Variants in HTRA1 observed in about 807,000 individuals in gnomAD.
HTRA1 encodes the protein serine protease HTRA1.
A neutral mutation model predicts 49.7 loss-of-function variants in HTRA1; 26 were observed. That is an observed-to-expected ratio of 0.52 (90% confidence interval 0.38 to 0.73). The LOEUF (loss-of-function observed/expected upper bound fraction) is 0.73. Among genes scored for constraint, HTRA1 ranks in the 30% least tolerant of loss-of-function variants. HTRA1 has a pLI of 0.00. For synonymous variants in HTRA1, 291 were observed against 286.9 expected (o/e 1.01, Z -0.14); for missense variants, 561 against 667.2 (o/e 0.84, Z 1.75).
intron 3 of HTRA1, among the ~76,000 whole-genome samples, chr10:122,500,234 C>T (rs2247430): frequency 0.82 from 125,495 of 152,130 alleles, 52,236 homozygotes; most frequent in Non-Finnish European, 0.89. Context: ...ATTCTAGGAA[C>T]GCCCCCTCCT....
rs372326010 is a variant in HTRA1 at position 122,512,926 on chromosome 10, C to T, written c.1274+861C>T. On this transcript the variant is annotated intron_variant, in intron 8 of 8. Transcript: ENST00000368984. ...GCCTTTGTGTCCTCGTAGCTTAGTT[C>T]CCACTTATGAGAACATTTAAATGGT... Among the ~76,000 whole-genome samples, 14 of 152,150 alleles carry T rather than the reference C, an allele frequency of 9.2e-5. No homozygotes were observed. In the East Asian group the frequency reaches 2.3e-3, roughly 25 times the overall value.
At chr10:122,462,600 C>G (rs1442310489) in intron 1 of HTRA1, among the ~76,000 whole-genome samples, 1 of 152,222 alleles carries the variant, frequency 6.6e-6, no homozygotes, top group Non-Finnish European at 1.5e-5. Flanking sequence ...ATCACGGGAC[C>G]GCTCAGTGAA....
chr10:122,512,479 G>T (rs2097506076), intron 8 of HTRA1, among the ~76,000 whole-genome samples: 1 of 152,108 alleles, frequency 6.6e-6, no homozygotes, highest in South Asian at 2.1e-4. Context: ...GCCCATACCT[G>T]TCAACACCTC....
chr10:122,485,775 C>T (rs1213179344), intron 1 of HTRA1, among the ~76,000 whole-genome samples: 1 of 152,166 alleles, frequency 6.6e-6, no homozygotes, highest in Non-Finnish European at 1.5e-5. Flanking sequence ...TTCAGGAAGC[C>T]AGAAAGAGGA....
At chr10:122,480,470 G>T (rs2097490515) in intron 1 of HTRA1, among the ~76,000 whole-genome samples, 1 of 152,182 alleles carries the variant, frequency 6.6e-6, no homozygotes, top group Non-Finnish European at 1.5e-5. Context: ...GCCAGTGTGG[G>T]GAGAGAGCTG....
chr10:122,507,446 T>G, intron 5 of HTRA1, 44 bp downstream of exon 5: 1 of 1,418,408 alleles, frequency 7.1e-7, no homozygotes, highest in South Asian at 1.2e-5. Context: ...TTTTTATCTA[T>G]GTATACGCTG....
In HTRA1 at chr10:122,510,153, G is replaced by C; in HGVS notation, c.1178G>C (p.Ser393Thr). 6.2e-7 allele frequency: 1 copy of C among 1,613,410 alleles called. No individual in the cohort carries two copies. The highest frequency in any genetic ancestry group is 2.2e-5 in the East Asian group (1 of 44,880). Residue 393 changes from serine to threonine, a missense_variant and splice_region_variant, in exon 7 of 9, where the codon AGC becomes ACC. By Grantham distance (58) the Ser-to-Thr change is moderately conservative. Transcript: ENST00000368984. ...IGIRMMSLTS[S>T]KAKELKDRHR... The stretch of plus-strand genomic sequence containing the variant: ...ATCCGAATGATGTCACTCACGTCCA[G>C]GTGGGTAAACAGGATGCGTGTCTGT...
At chr10:122,508,846 A>AG (rs945004167) in intron 6 of HTRA1, 76 bp downstream of exon 6, 1 of 907,732 alleles carries the variant, frequency 1.1e-6, no homozygotes, top group African/African-American at 1.6e-5. Flanking sequence ...GACTTGGGGA[A>AG]GGGAAAAGCG....
rs746547640 is a variant in HTRA1, at chr10:122,461,681, C to CGCT, written c.46_48dup (p.Leu16dup). On this transcript the variant is annotated inframe_insertion, in exon 1 of 9. Transcript: ENST00000368984. ...CAGATCCCGCGCGCCGCTCTTCTCC[C>CGCT]GCTGCTGCTGCTGCTGCTGGCGGCG... is the stretch of plus-strand genomic sequence containing the variant. The CGCT allele has an allele frequency of 9.9e-5, 129 of 1,307,156 alleles. No homozygotes were observed. In the African/African-American group the frequency reaches 1.2e-3, roughly 12 times the overall value. The allele number at this position is 1,307,156 out of a possible 1,614,324, so 81.0% of individuals were successfully genotyped here. A position where few individuals can be genotyped will look rare whatever the true frequency, so the allele number is the denominator to read the frequency against.
chr10:122,472,020 T>C (rs1283431430), intron 1 of HTRA1, among the ~76,000 whole-genome samples: 3 of 152,210 alleles, frequency 2.0e-5, no homozygotes, highest in African/African-American at 7.2e-5. Context: ...CACATATAAA[T>C]GCCTTTGAAT....
chr10:122,497,653 C>T (rs562991206), intron 3 of HTRA1, among the ~76,000 whole-genome samples: 83 of 152,196 alleles, frequency 5.5e-4, no homozygotes, highest in Admixed American at 4.6e-4. Context: ...AGGCTGCATC[C>T]GTTACCCAGT....
At chr10:122,479,586 G>A (rs1425035752) in intron 1 of HTRA1, among the ~76,000 whole-genome samples, 1 of 152,120 alleles carries the variant, frequency 6.6e-6, no homozygotes, top group Non-Finnish European at 1.5e-5. Context: ...TGAAGGTTGG[G>A]TGGGATTTGA....
At chr10:122,499,786 C>T (rs1053974283) in intron 3 of HTRA1, among the ~76,000 whole-genome samples, 2 of 152,170 alleles carry the variant, frequency 1.3e-5, no homozygotes, top group African/African-American at 4.8e-5. Context: ...GAAAGGTTAG[C>T]ATAACTGTTT....
At chr10:122,497,302 T>A (rs1447432612) in intron 3 of HTRA1, among the ~76,000 whole-genome samples, 3 of 152,220 alleles carry the variant, frequency 2.0e-5, no homozygotes, top group Non-Finnish European at 4.4e-5. Context: ...ATTAACTTAT[T>A]ATAAAAGGCC....
chr10:122,472,950 G>A (rs1165128988), intron 1 of HTRA1, among the ~76,000 whole-genome samples: 2 of 152,146 alleles, frequency 1.3e-5, no homozygotes, highest in African/African-American at 4.8e-5. Context: ...AGCCATATTT[G>A]TTGCCATCAG....
chr10:122,511,504 G>C (rs553262959), intron 7 of HTRA1, among the ~76,000 whole-genome samples: 1 of 152,052 alleles, frequency 6.6e-6, no homozygotes, highest in Non-Finnish European at 1.5e-5. Flanking sequence ...AGGCCAAGGC[G>C]GGCAGATCAC....
At chr10:122,466,526 A>G (rs1182732990) in intron 1 of HTRA1, among the ~76,000 whole-genome samples, 2 of 152,198 alleles carry the variant, frequency 1.3e-5, no homozygotes, top group Non-Finnish European at 2.9e-5. Context: ...AATCATTGCT[A>G]GCTGAGTGCT....
rs1229345062 is a variant in HTRA1, at chr10:122,489,169, ATCTACAT to A, written c.572+172_572+178del. On this transcript the variant is annotated intron_variant, in intron 2 of 8. Coordinates refer to ENST00000368984, the MANE Select transcript of HTRA1 (RefSeq NM_002775.5). The stretch of plus-strand genomic sequence containing the variant: ...ACATTTTCCCTATTCGACTATATAA[ATCTACAT>A]TCTTGACCCTTCTGAATGTTTAAAG... Among the ~76,000 whole-genome samples, 3 of 152,192 alleles carry A rather than the reference ATCTACAT, an allele frequency of 2.0e-5. No individual in the cohort carries two copies. In the East Asian group the frequency reaches 5.8e-4, roughly 29 times the overall value.
intron 1 of HTRA1, among the ~76,000 whole-genome samples, chr10:122,475,103 T>C (rs1271183737): frequency 6.6e-6 from 1 of 152,194 alleles, no homozygotes; most frequent in Admixed American, 6.5e-5. Context: ...TCGAATCTAC[T>C]CTATTTGAGA....
Sources: allele counts gnomAD v4.1 joint callset (sites outside exome capture counted in the v4.1 genomes callset), GRCh38; gene constraint gnomAD v4.1.1; transcripts MANE v1.5; gene names NCBI Gene and HGNC (gene_info 2026-07-23, HGNC 2026-07-21).